The following PDS5A variants were observed in gnomAD, a reference collection of about 807,000 sequenced individuals.
The protein encoded by PDS5A is sister chromatid cohesion protein PDS5 homolog A.
PDS5A carries 42 observed loss-of-function variants against 167.1 expected under a neutral mutation model. That is an observed-to-expected ratio of 0.25 (90% confidence interval 0.20 to 0.33). The LOEUF is 0.33. PDS5A is among the 10% of genes least tolerant of loss of function. PDS5A has a pLI of 1.00. For synonymous variants in PDS5A, 553 were observed against 554.6 expected (o/e 1.00, Z 0.04); for missense variants, 1,033 against 1,605.9 (o/e 0.64, Z 6.10).
At chr4:39,975,841 A>T (rs924161654) in intron 2 of PDS5A, among the ~76,000 whole-genome samples, 10 of 152,202 alleles carry the variant, frequency 6.6e-5, no homozygotes, top group African/African-American at 2.4e-4. Flanking sequence ...CATGAGGTTG[A>T]AATTTAAAAC....
At chr4:39,943,164 ACACACG>A (rs1211622155) in intron 2 of PDS5A, among the ~76,000 whole-genome samples, 83 of 134,228 alleles carry the variant, frequency 6.2e-4, no homozygotes, top group African/African-American at 2.0e-3. Context: ...ACACACACAC[ACACACG>A]CACGCACACA....
intron 21 of PDS5A, among the ~76,000 whole-genome samples, chr4:39,871,978 T>C (rs1029692745): frequency 2.6e-5 from 4 of 152,132 alleles, no homozygotes; most frequent in African/African-American, 4.8e-5. Context: ...AGTGCTAGGA[T>C]TACAGGCGTG....
chr4:39,898,807 C>A lies in PDS5A; in HGVS notation c.1600G>T (p.Ala534Ser). Residue 534 changes from alanine to serine, a missense_variant, in exon 15 of 33, where the codon GCC (alanine) becomes TCC (serine). Physicochemically the swap from Ala to Ser is moderately conservative, Grantham distance 99 (BLOSUM62 1). This residue lies in a region of PDS5A where 45 missense variants were observed against 40.2 expected (regional missense o/e 1.12). Coordinates refer to ENST00000303538, the MANE Select transcript of PDS5A (RefSeq NM_001100399.2). ...KQPTSEANCS[A>S]MFGKLMTIAK... ...ATGGTCATCAGTTTTCCAAACATGG[C>A]AGAACAGTTAGCCTCTGACTGAAAT... 1 of 1,591,540 alleles carries A rather than the reference C, an allele frequency of 6.3e-7. No individual in the cohort carries two copies. The highest frequency in any genetic ancestry group is 8.6e-7 in the Non-Finnish European group (1 of 1,166,336).
intron 19 of PDS5A, among the ~76,000 whole-genome samples, chr4:39,876,577 T>C (rs1474332523): frequency 6.6e-6 from 1 of 152,194 alleles, no homozygotes; most frequent in Admixed American, 6.5e-5. Flanking sequence ...CTTAACCTTT[T>C]TAAGATGCCA....
intron 2 of PDS5A, among the ~76,000 whole-genome samples, chr4:39,930,738 G>A (rs1228035755): frequency 1.3e-5 from 2 of 152,014 alleles, no homozygotes. Flanking sequence ...TATATCAAAA[G>A]TGTGATAGTA....
intron 26 of PDS5A, among the ~76,000 whole-genome samples, chr4:39,861,320 T>C (rs1560434383): frequency 6.6e-6 from 1 of 151,442 alleles, no homozygotes; most frequent in Non-Finnish European, 1.5e-5. Context: ...TAGCCAGGAG[T>C]GGTGGCAGGC....
At chr4:39,884,727 G>A (rs1029887434) in intron 17 of PDS5A, among the ~76,000 whole-genome samples, 1 of 152,078 alleles carries the variant, frequency 6.6e-6, no homozygotes, top group African/African-American at 2.4e-5. Context: ...ATTTAAGTCC[G>A]TTATCTTCTG....
At chr4:39,868,818 TATG>T (rs1290097089) in intron 22 of PDS5A, 4 of 384,044 alleles carry the variant, frequency 1.0e-5, no homozygotes, top group Non-Finnish European at 2.1e-5. Context: ...TGATAGAATA[TATG>T]ATGATGATGA....
chr4:39,831,092 G>A (rs1415064787), intron 32 of PDS5A, among the ~76,000 whole-genome samples: 2 of 152,114 alleles, frequency 1.3e-5, no homozygotes, highest in East Asian at 1.9e-4. Flanking sequence ...GCCACATAGA[G>A]TTGTTTTTGT....
intron 2 of PDS5A, among the ~76,000 whole-genome samples, chr4:39,952,138 T>A (rs1340081175): frequency 6.6e-6 from 1 of 151,890 alleles, no homozygotes; most frequent in Admixed American, 6.6e-5. Flanking sequence ...GAGACCAGCA[T>A]GGCCAACATT....
rs933821610 is a variant in PDS5A at position 39,867,010 on chromosome 4, A to G, written c.2506-13T>C. 1.9e-5 allele frequency: 29 copies of G among 1,567,466 alleles called. No individual in the cohort carries two copies. The highest frequency in any genetic ancestry group is 5.5e-5 in the African/African-American group (4 of 72,806). On this transcript the variant is annotated splice_polypyrimidine_tract_variant and intron_variant, in intron 22 of 32. Transcript: ENST00000303538. ...TAATTGCCTGTACCTATAAAATATT[A>G]ACATGCTAAAAAAAGAAAGCAACTT... is the stretch of plus-strand genomic sequence containing the variant.
At chr4:39,926,012 A>T in intron 4 of PDS5A, 79 bp from the exon 5 acceptor site, 1 of 415,444 alleles carries the variant, frequency 2.4e-6, no homozygotes, top group Non-Finnish European at 4.1e-6. Flanking sequence ...TAAAAAATTA[A>T]TTTTTAGAGT....
intron 4 of PDS5A, 48 bp from the exon 5 acceptor site, chr4:39,925,981 G>A (rs768079880): frequency 1.8e-6 from 1 of 549,580 alleles, no homozygotes; most frequent in South Asian, 4.8e-5. Flanking sequence ...ATACAGAATA[G>A]TTATATAATA....
chr4:39,953,289 GCTGGGGTAA>G (rs900308370), intron 2 of PDS5A, among the ~76,000 whole-genome samples: 3 of 152,150 alleles, frequency 2.0e-5, no homozygotes, highest in African/African-American at 7.2e-5. Flanking sequence ...TTTCACCGTG[GCTGGGGTAA>G]CTGATCTCAA....
At chr4:39,973,506 T>C in intron 2 of PDS5A, 1 of 1,307,430 alleles carries the variant, frequency 7.6e-7, no homozygotes, top group African/African-American at 1.4e-5. Flanking sequence ...ATGATGAACG[T>C]CTCCAGAAAG....
intron 30 of PDS5A, among the ~76,000 whole-genome samples, chr4:39,842,603 A>G (rs1717125860): frequency 6.6e-6 from 1 of 152,096 alleles, no homozygotes; most frequent in Admixed American, 6.6e-5. Flanking sequence ...TGTAAGAATA[A>G]TATCTATAAA....
rs1166233113 is a variant in PDS5A at position 39,833,191 on chromosome 4, C to CAAAAAAAAAAAAAA, written c.4010+4651_4010+4664dup. On this transcript the variant is annotated intron_variant, in intron 32 of 32. Transcript: ENST00000303538. ...GGGCCACAAGAGTGAAACTCCGTCT[C>CAAAAAAAAAAAAAA]AAAAAAAAAAAAAAAAAAAAAAAAA... is the stretch of plus-strand genomic sequence containing the variant. Among the ~76,000 whole-genome samples, 7 of 37,916 alleles carry CAAAAAAAAAAAAAA rather than the reference C, an allele frequency of 1.8e-4. 1 individual carries two copies. The highest frequency in any genetic ancestry group is 2.6e-4 in the African/African-American group (2 of 7,836). 24.9% of individuals were successfully genotyped at this position (37,916 alleles called of 152,430 possible).
intron 23 of PDS5A, among the ~76,000 whole-genome samples, chr4:39,863,965 C>T (rs1036111390): frequency 3.3e-5 from 5 of 151,892 alleles, no homozygotes; most frequent in African/African-American, 9.7e-5. Context: ...CCTGTTTCTA[C>T]TAAAAATACA....
intron 32 of PDS5A, among the ~76,000 whole-genome samples, chr4:39,835,668 G>A (rs746601358): frequency 2.6e-5 from 4 of 152,110 alleles, no homozygotes; most frequent in Non-Finnish European, 5.9e-5. Context: ...CACTACAGGT[G>A]TGCACCACCA....
Sources: allele counts gnomAD v4.1 joint callset (sites outside exome capture counted in the v4.1 genomes callset), GRCh38; gene constraint gnomAD v4.1.1; regional missense constraint gnomAD v4.1.1; transcripts MANE v1.5; gene names NCBI Gene and HGNC (gene_info 2026-07-23, HGNC 2026-07-21).